Variants in ZMYND8 observed in about 807,000 individuals in gnomAD.
ZMYND8 encodes zinc finger MYND-type containing 8.
A neutral mutation model predicts 140.8 loss-of-function variants in ZMYND8; 37 were observed. That is an observed-to-expected ratio of 0.26 (90% CI 0.20 to 0.35). The LOEUF is 0.35. Among genes scored for constraint, ZMYND8 ranks in the 10% least tolerant of loss-of-function variants. ZMYND8 has a pLI of 1.00. For missense variants in ZMYND8, 1,068 were observed against 1,570.0 expected (o/e 0.68, Z 5.40); for synonymous variants, 592 against 597.1 (o/e 0.99, Z 0.12).
intron 2 of ZMYND8, among the ~76,000 whole-genome samples, chr20:47,331,610 G>A (rs965170089): frequency 2.0e-5 from 3 of 152,206 alleles, no homozygotes; most frequent in African/African-American, 7.2e-5. Context: ...GACAAGGACA[G>A]GGCCAAGCTT....
At chr20:47,222,562 C>T (rs917003472) in intron 19 of ZMYND8, among the ~76,000 whole-genome samples, 4 of 151,696 alleles carry the variant, frequency 2.6e-5, no homozygotes, top group Non-Finnish European at 5.9e-5. Context: ...AAAAGAAAAA[C>T]GCGTCTGGGA....
chr20:47,252,377 T>C (rs2074264714), intron 12 of ZMYND8, among the ~76,000 whole-genome samples: 1 of 147,624 alleles, frequency 6.8e-6, no homozygotes, highest in South Asian at 2.1e-4. Context: ...TGCATGCAAA[T>C]GTGACAGCAA....
chr20:47,262,949 C>T (rs1036767639), intron 11 of ZMYND8, among the ~76,000 whole-genome samples: 2 of 152,172 alleles, frequency 1.3e-5, no homozygotes, highest in East Asian at 1.9e-4. Flanking sequence ...TAAAGCCAAA[C>T]CCAGTACCAG....
intron 10 of ZMYND8, among the ~76,000 whole-genome samples, chr20:47,278,180 G>A (rs978596955): frequency 1.9e-4 from 29 of 152,030 alleles, no homozygotes; most frequent in Middle Eastern, 3.2e-3. Context: ...ATGGGGTCTC[G>A]CTACATTACC....
In ZMYND8 at chr20:47,275,725, T is replaced by C. The variant is rs151071446; in HGVS notation, c.1480+589A>G. Among the ~76,000 whole-genome samples, 26 of 152,186 alleles carry C rather than the reference T, an allele frequency of 1.7e-4. No homozygotes were observed. The East Asian group carries it at 4.8e-3, about 28-fold the overall frequency. On this transcript the variant is annotated intron_variant, in intron 11 of 22. Transcript: ENST00000471951. ...TCCGGCAATCCTCCCACCTCAACTA[T>C]AGTCCCAGAGTAGCTAGGACTATAG...
rs113797676 is a variant in ZMYND8 at position 47,218,589 on chromosome 20, G to A, written c.3484+1669C>T. Among the ~76,000 whole-genome samples, 476 of 152,330 alleles carry A rather than the reference G, an allele frequency of 3.1e-3. 6 individuals are homozygous for A. The highest frequency in any genetic ancestry group is 9.4e-3 in the African/African-American group (389 of 41,564). ...TAAATTAAAAGTTCTAGGGTGGGGA[G>A]CATGCGGCTAAAATCTAGAGTCTGC... On this transcript the variant is annotated intron_variant, in intron 21 of 22. Transcript: ENST00000471951.
At chr20:47,227,393 C>T in intron 17 of ZMYND8, 112 bp from the exon 18 acceptor site, 2 of 977,600 alleles carry the variant, frequency 2.0e-6, no homozygotes, top group South Asian at 1.4e-5. Context: ...TGCTAACCTT[C>T]CCACAGCTAT....
In ZMYND8 at chr20:47,311,325, T is replaced by G. The variant is rs545200699; in HGVS notation, c.86-1121A>C. Among the ~76,000 whole-genome samples the G allele has an allele frequency of 5.9e-5, 9 of 152,118 alleles. No homozygotes were observed. The South Asian group carries it at 1.9e-3, about 32-fold the overall frequency. On this transcript the variant is annotated intron_variant, in intron 2 of 22. Transcript: ENST00000471951. ...GCATCTCATTTAAACACATGTACACTTCAGCCAGGCACGGTGGCTCACACC... is the reference window on the plus strand; with the variant it reads ...GCATCTCATTTAAACACATGTACACGTCAGCCAGGCACGGTGGCTCACACC...
Position 47,294,705 on chromosome 20 carries a change from G to A in ZMYND8, c.528C>T (p.Tyr176=). ...MTMLTIEQLS[Y]LLKFAIQKMK... ...TTTTCTGAATGGCAAACTTGAGCAG[G>A]TAGGATAACTGTTCAATGGTGAGCA... The change falls in exon 5 of 23, where the codon TAC becomes TAT. Residue 176 remains tyrosine, a synonymous_variant. Transcript: ENST00000471951. 1 of 1,614,180 alleles carries A rather than the reference G, an allele frequency of 6.2e-7. No individual in the cohort carries two copies.
At position 47,219,055 on chromosome 20, in the gene ZMYND8, A is replaced by ATTTTTTTTTTTTTTT. The variant is rs3092175; in HGVS notation, c.3484+1188_3484+1202dup. Reference sequence around the variant, plus strand: ...AACATGGCAAAACCCCGTTTCTACAATTTTTTTTTTTTTTTTTTTTGAGAG... The same window carrying ATTTTTTTTTTTTTTT: ...AACATGGCAAAACCCCGTTTCTACAATTTTTTTTTTTTTTTTTTTTTTTTTTTTTTTTTTTGAGAG... On this transcript the variant is annotated intron_variant, in intron 21 of 22. Coordinates refer to ENST00000471951, the MANE Select transcript of ZMYND8 (RefSeq NM_001281775.3). Among the ~76,000 whole-genome samples the ATTTTTTTTTTTTTTT allele has an allele frequency of 7.9e-3, 875 of 110,858 alleles. 45 individuals are homozygous for ATTTTTTTTTTTTTTT. The highest frequency in any genetic ancestry group is 0.013 in the Non-Finnish European group (683 of 54,228). The allele number at this position is 110,858 out of a possible 152,430, so 72.7% of individuals were successfully genotyped here.
At chr20:47,285,522 C>T (rs1269049812) in intron 8 of ZMYND8, among the ~76,000 whole-genome samples, 2 of 152,138 alleles carry the variant, frequency 1.3e-5, no homozygotes, top group African/African-American at 4.8e-5. Context: ...CAGATCACAT[C>T]GTTGGGGCAG....
At chr20:47,262,545 C>T (rs1190806386) in intron 11 of ZMYND8, 117 bp from the exon 12 acceptor site, 17 of 1,387,318 alleles carry the variant, frequency 1.2e-5, no homozygotes, top group Middle Eastern at 2.4e-4. Context: ...TCAGCAAGGC[C>T]GCTACAGTAT....
At chr20:47,309,955 T>C in intron 3 of ZMYND8, 101 bp downstream of exon 3, 6 of 1,523,528 alleles carry the variant, frequency 3.9e-6, no homozygotes, top group Non-Finnish European at 4.5e-6. Flanking sequence ...GGCAGCTAAC[T>C]AAATCCAAGA....
chr20:47,295,144 G>A (rs946641610), intron 4 of ZMYND8, among the ~76,000 whole-genome samples: 3 of 152,218 alleles, frequency 2.0e-5, no homozygotes, highest in Non-Finnish European at 4.4e-5. Context: ...TGTAATCCCA[G>A]CACTTGGGGA....
At chr20:47,292,154 T>G (rs2077305941) in intron 5 of ZMYND8, among the ~76,000 whole-genome samples, 1 of 152,202 alleles carries the variant, frequency 6.6e-6, no homozygotes, top group Admixed American at 6.5e-5. Flanking sequence ...CCTCTTACAT[T>G]AAGATTGACA....
chr20:47,255,658 C>A, intron 12 of ZMYND8, among the ~76,000 whole-genome samples: 1 of 129,042 alleles, frequency 7.7e-6, no homozygotes, highest in African/African-American at 2.9e-5. Flanking sequence ...TACATATACT[C>A]AGTATATGTA....
chr20:47,348,390 T>A lies in ZMYND8; in HGVS notation c.15-464A>T, dbSNP rs75736413. 3.1e-3 allele frequency: 565 copies of A among 180,332 alleles called. 5 individuals carry two copies. Among genetic ancestry groups the A allele is most frequent in the African/African-American group, 0.013 (552 of 41,758 alleles). The allele number at this position is 180,332 out of a possible 1,614,324, so 11.2% of individuals were successfully genotyped here. ...CCTCCCCCTAAATCTTACAATTCCC[T>A]GATGAGGCAGGAACATGGGAAAAAA... On this transcript the variant is annotated intron_variant, in intron 1 of 22. Coordinates refer to ENST00000471951, the MANE Select transcript of ZMYND8 (RefSeq NM_001281775.3).
At position 47,310,119 on chromosome 20, in the gene ZMYND8, T is replaced by G; in HGVS notation, c.171A>C (p.Thr57=). The G allele has an allele frequency of 6.2e-7, 1 of 1,614,172 alleles. No individual in the cohort carries two copies. The highest frequency in any genetic ancestry group is 1.7e-5 in the Admixed American group (1 of 60,018). ...TTTTCTTTTTAATGGGGCTTGTTGATGTGTCCTGCGGCGAGTGGCCATTGG... is the reference window on the plus strand; with the variant it reads ...TTTTCTTTTTAATGGGGCTTGTTGAGGTGTCCTGCGGCGAGTGGCCATTGG... ...HSSNGHSPQD[T]STSPIKKKKK... The change falls in exon 3 of 23, where the codon ACA becomes ACC. Residue 57 remains threonine, a synonymous_variant. Transcript: ENST00000471951.
chr20:47,335,408 T>C (rs1400668333), intron 2 of ZMYND8, among the ~76,000 whole-genome samples: 3 of 151,894 alleles, frequency 2.0e-5, no homozygotes, highest in Non-Finnish European at 2.9e-5. Context: ...TTATTATCAT[T>C]CCACTCACCC....
Sources: allele counts gnomAD v4.1 joint callset (sites outside exome capture counted in the v4.1 genomes callset), GRCh38; gene constraint gnomAD v4.1.1; transcripts MANE v1.5; gene names NCBI Gene and HGNC (gene_info 2026-07-23, HGNC 2026-07-21).